The following ARHGAP10 variants were observed in gnomAD, a reference collection of about 807,000 sequenced individuals.
ARHGAP10 encodes the protein rho GTPase-activating protein 10.
A neutral mutation model predicts 108.6 loss-of-function variants in ARHGAP10; 87 were observed. The ratio of observed to expected loss-of-function variants is 0.80; its 90% CI spans 0.67 to 0.96. The LOEUF is 0.96. Among genes scored for constraint, ARHGAP10 ranks in the 40% least tolerant of loss-of-function variants. The probability of loss-of-function intolerance (pLI) is 0.00; values close to 1 mark genes in which losing one functional copy is unlikely to be tolerated. For synonymous variants in ARHGAP10, 347 were observed against 341.1 expected, an observed-to-expected ratio of 1.02 and a Z score of -0.19; for missense variants, 939 against 954.5, an observed-to-expected ratio of 0.98 and a Z score of 0.21.
At chr4:147,770,594 A>T (rs1445218839) in intron 1 of ARHGAP10, among the ~76,000 whole-genome samples, 5 of 152,168 alleles carry the variant, frequency 3.3e-5, no homozygotes, top group African/African-American at 1.2e-4. Flanking sequence ...ACTTATAGTC[A>T]TGTGGTGTTA....
chr4:147,827,908 C>T (rs768915155), intron 3 of ARHGAP10, among the ~76,000 whole-genome samples: 6 of 152,080 alleles, frequency 3.9e-5, no homozygotes, highest in African/African-American at 1.2e-4. Flanking sequence ...CAGGTTCAAG[C>T]GATTTTCCTG....
intron 18 of ARHGAP10, 103 bp downstream of exon 18, chr4:147,966,942 A>C: frequency 8.9e-7 from 1 of 1,118,494 alleles, no homozygotes; most frequent in Non-Finnish European, 1.2e-6. Context: ...TGTTTAAAAA[A>C]ATTCTTTCAT....
intron 1 of ARHGAP10, among the ~76,000 whole-genome samples, chr4:147,767,598 T>G (rs1729890401): frequency 6.6e-6 from 1 of 152,148 alleles, no homozygotes; most frequent in African/African-American, 2.4e-5. Context: ...GCACCTGTAG[T>G]CCCAGTTACT....
chr4:148,005,936 A>G (rs1740928924), intron 18 of ARHGAP10, among the ~76,000 whole-genome samples: 1 of 152,256 alleles, frequency 6.6e-6, no homozygotes, highest in Non-Finnish European at 1.5e-5. Flanking sequence ...AAACAAATAC[A>G]TGTATCTCTT....
chr4:147,997,078 C>T (rs767084041), intron 18 of ARHGAP10, among the ~76,000 whole-genome samples: 10 of 152,140 alleles, frequency 6.6e-5, no homozygotes, highest in Non-Finnish European at 1.0e-4. Flanking sequence ...CTGTAGTGCA[C>T]GGAAGAATAA....
intron 3 of ARHGAP10, among the ~76,000 whole-genome samples, chr4:147,833,014 A>C (rs912113047): frequency 1.3e-5 from 2 of 152,240 alleles, no homozygotes; most frequent in African/African-American, 4.8e-5. Flanking sequence ...TGGTTAGGTC[A>C]AGGAAGTGCT....
At chr4:147,953,061 TGAA>T (rs1235357586) in intron 15 of ARHGAP10, among the ~76,000 whole-genome samples, 1 of 152,008 alleles carries the variant, frequency 6.6e-6, no homozygotes, top group Non-Finnish European at 1.5e-5. Flanking sequence ...TTTCATTTGG[TGAA>T]GTACATTGAT....
At chr4:147,809,609 T>G (rs1731929567) in intron 1 of ARHGAP10, among the ~76,000 whole-genome samples, 1 of 152,164 alleles carries the variant, frequency 6.6e-6, no homozygotes, top group African/African-American at 2.4e-5. Flanking sequence ...TGAGCCCCAC[T>G]CTGACTTCAG....
intron 19 of ARHGAP10, 75 bp from the exon 20 acceptor site, chr4:148,046,817 A>G (rs1187250449): frequency 1.4e-6 from 2 of 1,415,798 alleles, no homozygotes; most frequent in East Asian, 4.6e-5. Flanking sequence ...TAATCAAGTA[A>G]CACCATATAA....
chr4:147,964,301 G>A (rs1474616271), intron 16 of ARHGAP10, among the ~76,000 whole-genome samples: 9 of 152,126 alleles, frequency 5.9e-5, no homozygotes, highest in South Asian at 2.1e-4. Flanking sequence ...TAAACCAGCC[G>A]GTCCTCAACC....
intron 13 of ARHGAP10, among the ~76,000 whole-genome samples, chr4:147,923,566 C>T (rs1171855147): frequency 2.0e-5 from 3 of 152,106 alleles, no homozygotes; most frequent in South Asian, 2.1e-4. Flanking sequence ...ATTAAAATGT[C>T]GATCTAGGCA....
rs550063397 is a variant in ARHGAP10, at chr4:147,755,082, C to CAA, written c.154+22641_154+22642dup. Among the ~76,000 whole-genome samples the CAA allele has an allele frequency of 3.2e-4, 33 of 103,738 alleles. 1 individual carries two copies. The highest frequency in any genetic ancestry group is 9.0e-4 in the African/African-American group (26 of 28,954). 68.1% of individuals were successfully genotyped at this position (103,738 alleles called of 152,430 possible). ...GGGCGACAAGAGTGAAACTCCGTCT[C>CAA]AAAAAAAAAAAAAAATTCTTTCAAA... is the stretch of plus-strand genomic sequence containing the variant. On this transcript the variant is annotated intron_variant, in intron 1 of 22. Transcript: ENST00000336498.
intron 16 of ARHGAP10, among the ~76,000 whole-genome samples, chr4:147,959,807 A>G (rs1738927613): frequency 6.6e-6 from 1 of 152,242 alleles, no homozygotes; most frequent in Non-Finnish European, 1.5e-5. Context: ...TAAGAAATGA[A>G]GAATGTAATT....
intron 1 of ARHGAP10, among the ~76,000 whole-genome samples, chr4:147,811,399 T>C (rs1579072738): frequency 6.6e-6 from 1 of 152,314 alleles, no homozygotes; most frequent in East Asian, 1.9e-4. Context: ...ACCTGAGGCA[T>C]GTGATTTGTG....
intron 1 of ARHGAP10, among the ~76,000 whole-genome samples, chr4:147,790,037 A>G (rs1441532711): frequency 7.2e-6 from 1 of 138,836 alleles, no homozygotes; most frequent in African/African-American, 2.7e-5. Context: ...CTCTTAGCTC[A>G]GGCTGCCATA....
At chr4:148,037,562 C>T (rs1271352068) in intron 19 of ARHGAP10, among the ~76,000 whole-genome samples, 4 of 152,116 alleles carry the variant, frequency 2.6e-5, no homozygotes, top group Admixed American at 6.6e-5. Context: ...TGGCCGGGCA[C>T]GGTGGCTCAC....
intron 12 of ARHGAP10, among the ~76,000 whole-genome samples, chr4:147,912,598 T>TATAA (rs1736801545): frequency 9.4e-6 from 1 of 106,302 alleles, no homozygotes; most frequent in Non-Finnish European, 1.8e-5. Flanking sequence ...TATATATATA[T>TATAA]AAAATTCCTG....
chr4:147,839,244 T>C (rs1246829304), intron 3 of ARHGAP10, among the ~76,000 whole-genome samples: 1 of 152,220 alleles, frequency 6.6e-6, no homozygotes, highest in Non-Finnish European at 1.5e-5. Flanking sequence ...GTTTCTTTGC[T>C]GCTATTCTTG....
chr4:147,874,824 A>G (rs112443466), intron 7 of ARHGAP10, among the ~76,000 whole-genome samples, 197 bp from the exon 8 acceptor site: 15 of 152,242 alleles, frequency 9.9e-5, no homozygotes, highest in African/African-American at 2.6e-4. Context: ...TCTGGTAGCT[A>G]TTTTACTGCT....
Sources: allele counts gnomAD v4.1 joint callset (sites outside exome capture counted in the v4.1 genomes callset), GRCh38; gene constraint gnomAD v4.1.1; transcripts MANE v1.5; gene names NCBI Gene and HGNC (gene_info 2026-07-23, HGNC 2026-07-21).